Variants in LEF1 observed in about 807,000 individuals in gnomAD.
LEF1 encodes the protein lymphoid enhancer-binding factor 1.
In LEF1, 14 loss-of-function variants were observed where a neutral mutation model predicts 51.2. The ratio of observed to expected loss-of-function variants is 0.27; its 90% confidence interval spans 0.18 to 0.43. The LOEUF is 0.43. Ranked by LOEUF, LEF1 falls within the 20% of genes least tolerant of loss-of-function variation. The pLI is 1.00. For synonymous variants in LEF1, 185 were observed against 183.2 expected (o/e 1.01, Z -0.08); for missense variants, 386 against 512.0 (o/e 0.75, Z 2.37).
At chr4:108,051,609 G>A (rs1332764552) in intron 11 of LEF1, among the ~76,000 whole-genome samples, 1 of 152,180 alleles carries the variant, frequency 6.6e-6, no homozygotes, top group Admixed American at 6.5e-5. Context: ...CTGCGGCTGG[G>A]CTTCAAAGGG....
chr4:108,049,123 G>T (rs1030065014), intron 11 of LEF1, among the ~76,000 whole-genome samples: 4 of 152,186 alleles, frequency 2.6e-5, no homozygotes, highest in Non-Finnish European at 4.4e-5. Flanking sequence ...GTGTCATTCT[G>T]CAGTGTTTGG....
intron 3 of LEF1, among the ~76,000 whole-genome samples, chr4:108,149,458 C>CAAAAAAAAAAAAAAAA (rs371482539): frequency 7.3e-4 from 44 of 60,496 alleles, no homozygotes; most frequent in African/African-American, 1.6e-3. Flanking sequence ...GACTCCGTCT[C>CAAAAAAAAAAAAAAAA]AAAAAAAAAA....
intron 11 of LEF1, among the ~76,000 whole-genome samples, chr4:108,060,270 T>A (rs1365395247): frequency 6.6e-6 from 1 of 152,038 alleles, no homozygotes; most frequent in African/African-American, 2.4e-5. Context: ...CACTCAGACA[T>A]AAAATGATGA....
Position 108,063,412 on chromosome 4 carries a change from A to T in LEF1, c.*6+211T>A, listed in dbSNP as rs1445024130. On this transcript the variant is annotated intron_variant, in intron 11 of 11. Coordinates refer to ENST00000265165, the MANE Select transcript of LEF1 (RefSeq NM_016269.5). Reference sequence around the variant, plus strand: ...AGGAAGAATAAATGTGCCAAAGAGGATAGAAGAGAAAAGATAAAAGCATAC... The same window carrying T: ...AGGAAGAATAAATGTGCCAAAGAGGTTAGAAGAGAAAAGATAAAAGCATAC... Among the ~76,000 whole-genome samples the T allele has an allele frequency of 3.3e-5, 5 of 152,232 alleles. No individual in the cohort carries two copies. In the East Asian group the frequency reaches 9.6e-4, roughly 29 times the overall value.
intron 3 of LEF1, among the ~76,000 whole-genome samples, chr4:108,134,094 C>A (rs1284516733): frequency 2.0e-5 from 3 of 149,620 alleles, no homozygotes; most frequent in Non-Finnish European, 4.4e-5. Flanking sequence ...TAAATATTCA[C>A]AATTAGTGGG....
At position 108,050,352 on chromosome 4, in the gene LEF1, G is replaced by A. The variant is rs149268434; in HGVS notation, c.*7-1601C>T. 4.8e-4 allele frequency among the ~76,000 whole-genome samples: 73 copies of A among 152,276 alleles called. 1 individual carries two copies. The East Asian group carries it at 0.011, about 24-fold the overall frequency. On this transcript the variant is annotated intron_variant, in intron 11 of 11. Coordinates refer to ENST00000265165, the MANE Select transcript of LEF1 (RefSeq NM_016269.5). ...GACAAGAAGACTGGTGGAGCCGGAAGTGCAGGGTGCTCTAGATTGGAGGTG... is the reference window on the plus strand; with the variant it reads ...GACAAGAAGACTGGTGGAGCCGGAAATGCAGGGTGCTCTAGATTGGAGGTG...
chr4:108,082,475 T>C (rs961261580), intron 5 of LEF1, among the ~76,000 whole-genome samples: 1 of 152,142 alleles, frequency 6.6e-6, no homozygotes, highest in Non-Finnish European at 1.5e-5. Flanking sequence ...TGACCCTTCC[T>C]AGCTGAAGAA....
chr4:108,057,555 C>G (rs993167848), intron 11 of LEF1, among the ~76,000 whole-genome samples: 3 of 152,138 alleles, frequency 2.0e-5, no homozygotes, highest in African/African-American at 7.2e-5. Context: ...AGGCACAGCT[C>G]CTGGCAGACC....
In LEF1 at chr4:108,167,509, C is replaced by G. The variant is rs1267558052; in HGVS notation, c.213+46G>C. ...TCCCTTCCTCCCTCTCTGAGTTTCC[C>G]AGGGACCCGCCACGCCTCTCGGAAC... is the stretch of plus-strand genomic sequence containing the variant. On this transcript the variant is annotated intron_variant, in intron 1 of 11. Coordinates refer to ENST00000265165, the MANE Select transcript of LEF1 (RefSeq NM_016269.5). This position sits in a 1 kb window ranked among gnomAD's most constrained non-coding sequence, Gnocchi z 5.7. 1.3e-6 allele frequency: 2 copies of G among 1,597,952 alleles called. No individual in the cohort carries two copies. Among genetic ancestry groups the G allele is most frequent in the South Asian group, 1.1e-5 (1 of 89,670 alleles).
intron 3 of LEF1, among the ~76,000 whole-genome samples, chr4:108,139,898 T>C (rs1317974215): frequency 1.3e-5 from 2 of 152,068 alleles, no homozygotes; most frequent in Non-Finnish European, 2.9e-5. Context: ...TATCCAAAAA[T>C]ATCTGACATT....
chr4:108,093,656 G>A (rs192417583), intron 3 of LEF1, among the ~76,000 whole-genome samples: 68 of 152,136 alleles, frequency 4.5e-4, no homozygotes, highest in Admixed American at 2.4e-3. Flanking sequence ...GTAAGAGTTA[G>A]GCCAAAACCC....
chr4:108,056,262 G>A (rs994159842), intron 11 of LEF1, among the ~76,000 whole-genome samples: 5 of 152,220 alleles, frequency 3.3e-5, no homozygotes, highest in South Asian at 2.1e-4. Flanking sequence ...GGGAAGGGAA[G>A]GAGGAAGTGA....
At position 108,165,096 on chromosome 4, in the gene LEF1, C is replaced by T; in HGVS notation, c.280+1G>A. On this transcript the variant is annotated splice_donor_variant, in intron 2 of 11. Transcript: ENST00000265165. LOFTEE classifies it high-confidence loss of function. Reference sequence around the variant, plus strand: ...CAGAAGAAGTAGAATGGGTGTCTTACCGTCATCGGGGTGTTCTCTGGCCTT... The same window carrying T: ...CAGAAGAAGTAGAATGGGTGTCTTATCGTCATCGGGGTGTTCTCTGGCCTT... 1 of 1,613,864 alleles carries T rather than the reference C, an allele frequency of 6.2e-7. No homozygotes were observed.
At chr4:108,083,772 T>C (rs1172510001) in intron 4 of LEF1, among the ~76,000 whole-genome samples, 2 of 152,234 alleles carry the variant, frequency 1.3e-5, no homozygotes, top group Non-Finnish European at 2.9e-5. Context: ...AATTGTTTTA[T>C]ATAGAATGAG....
chr4:108,078,120 C>A, intron 8 of LEF1, 100 bp downstream of exon 8: 3 of 1,082,264 alleles, frequency 2.8e-6, no homozygotes, highest in Non-Finnish European at 4.1e-6. Context: ...GAAGTGCAAA[C>A]ACATTCTATG....
chr4:108,098,614 A>G (rs1205077339), intron 3 of LEF1, among the ~76,000 whole-genome samples: 1 of 152,208 alleles, frequency 6.6e-6, no homozygotes, highest in East Asian at 1.9e-4. Flanking sequence ...AGTAACAGAA[A>G]TACTTATGTG....
At chr4:108,136,416 G>A (rs1422849883) in intron 3 of LEF1, among the ~76,000 whole-genome samples, 1 of 149,924 alleles carries the variant, frequency 6.7e-6, no homozygotes, top group Admixed American at 6.6e-5. Context: ...AACATGTACA[G>A]TTATATAGCA....
intron 4 of LEF1, among the ~76,000 whole-genome samples, chr4:108,085,707 A>ATC (rs1739598411): frequency 6.6e-6 from 1 of 151,876 alleles, no homozygotes; most frequent in Admixed American, 6.6e-5. Context: ...GTTTGACTCT[A>ATC]TAGAAATTCT....
intron 3 of LEF1, among the ~76,000 whole-genome samples, chr4:108,132,003 T>G (rs1742931174): frequency 6.6e-6 from 1 of 152,142 alleles, no homozygotes; most frequent in Non-Finnish European, 1.5e-5. Flanking sequence ...ACGTTTTTAT[T>G]GACAATTTGG....
Sources: allele counts gnomAD v4.1 joint callset (sites outside exome capture counted in the v4.1 genomes callset), GRCh38; gene constraint gnomAD v4.1.1; non-coding constraint Gnocchi (gnomAD v3.1); transcripts MANE v1.5; gene names NCBI Gene and HGNC (gene_info 2026-07-23, HGNC 2026-07-21).